CCBE1: variants seen among roughly 807,000 people sequenced by gnomAD.
CCBE1 encodes collagen and calcium binding EGF domains 1.
In CCBE1, 37 loss-of-function variants were observed where a neutral mutation model predicts 50.0. That is an observed-to-expected ratio of 0.74 (90% confidence interval 0.57 to 0.97). The LOEUF (loss-of-function observed/expected upper bound fraction) is 0.97, where lower values mean the gene tolerates loss of function less well. Ranked by LOEUF, CCBE1 falls within the 50% of genes least tolerant of loss-of-function variation. The pLI, the probability that CCBE1 is intolerant of heterozygous loss-of-function variation, is 0.00. For missense variants in CCBE1, 538 were observed against 523.8 expected, an observed-to-expected ratio of 1.03 and a Z score of -0.26; for synonymous variants, 234 against 203.7, an observed-to-expected ratio of 1.15 and a Z score of -1.27.
intron 7 of CCBE1, among the ~76,000 whole-genome samples, chr18:59,446,230 G>T (rs1243937383): frequency 6.6e-6 from 1 of 152,214 alleles, no homozygotes; most frequent in Non-Finnish European, 1.5e-5. Flanking sequence ...CATTGGAGAA[G>T]AAAGCTTGCA....
At chr18:59,611,437 A>C (rs2053567164) in intron 2 of CCBE1, among the ~76,000 whole-genome samples, 1 of 152,242 alleles carries the variant, frequency 6.6e-6, no homozygotes. Flanking sequence ...TGAGTGAAGC[A>C]GAGGACTGTC....
intron 2 of CCBE1, among the ~76,000 whole-genome samples, chr18:59,575,678 C>A (rs2052984679): frequency 6.6e-6 from 1 of 152,200 alleles, no homozygotes; most frequent in Admixed American, 6.5e-5. Context: ...TTCATGCAGT[C>A]TTTCCTCAGT....
chr18:59,618,061 G>C (rs772864081), intron 2 of CCBE1, among the ~76,000 whole-genome samples: 1 of 152,136 alleles, frequency 6.6e-6, no homozygotes, highest in South Asian at 2.1e-4. Flanking sequence ...AATCAATTTT[G>C]AACTATACTT....
intron 5 of CCBE1, among the ~76,000 whole-genome samples, chr18:59,456,793 C>T (rs1195562304): frequency 6.6e-6 from 1 of 152,186 alleles, no homozygotes; most frequent in Non-Finnish European, 1.5e-5. Context: ...TATGCAGTGA[C>T]CAGGGCTTCT....
intron 6 of CCBE1, 90 bp downstream of exon 6, chr18:59,454,761 T>C (rs1029923029): frequency 3.0e-5 from 34 of 1,115,112 alleles, no homozygotes; most frequent in Non-Finnish European, 4.4e-5. Context: ...TCAATGTGGA[T>C]ATTTTCTTAT....
chr18:59,615,076 C>T (rs2053619621), intron 2 of CCBE1, among the ~76,000 whole-genome samples: 1 of 152,244 alleles, frequency 6.6e-6, no homozygotes, highest in Non-Finnish European at 1.5e-5. Flanking sequence ...CTCCTTCCTT[C>T]TTCTCCACCT....
chr18:59,613,892 G>C (rs571081545), intron 2 of CCBE1, among the ~76,000 whole-genome samples: 1 of 102,198 alleles, frequency 9.8e-6, no homozygotes, highest in Admixed American at 1.2e-4. Flanking sequence ...TTTTTGGCAG[G>C]GGGAGACAGT....
intron 2 of CCBE1, among the ~76,000 whole-genome samples, chr18:59,608,820 A>G (rs1159897380): frequency 6.6e-6 from 1 of 152,214 alleles, no homozygotes; most frequent in Non-Finnish European, 1.5e-5. Context: ...AAATCTACAC[A>G]TTAGATCCTT....
chr18:59,674,286 C>T (rs1274642420), intron 2 of CCBE1, among the ~76,000 whole-genome samples: 1 of 152,166 alleles, frequency 6.6e-6, no homozygotes, highest in Non-Finnish European at 1.5e-5. Flanking sequence ...CCATGGAATA[C>T]TGTACACCTA....
chr18:59,670,547 C>T (rs1216154666), intron 2 of CCBE1, among the ~76,000 whole-genome samples: 1 of 152,208 alleles, frequency 6.6e-6, no homozygotes, highest in East Asian at 1.9e-4. Context: ...GCTTATACAA[C>T]TCCTGCCATG....
At chr18:59,491,814 C>CAAAA (rs1913110433) in intron 2 of CCBE1, among the ~76,000 whole-genome samples, 1 of 37,794 alleles carries the variant, frequency 2.6e-5, no homozygotes, top group African/African-American at 1.2e-4. Context: ...GACTCTGTCT[C>CAAAA]CAAACAAACA....
At chr18:59,511,140 T>C (rs908559452) in intron 2 of CCBE1, among the ~76,000 whole-genome samples, 2 of 152,234 alleles carry the variant, frequency 1.3e-5, no homozygotes, top group African/African-American at 2.4e-5. Flanking sequence ...TTCGTTTTTA[T>C]GCTGCTATGT....
At chr18:59,672,955 G>T (rs948269160) in intron 2 of CCBE1, among the ~76,000 whole-genome samples, 1 of 151,906 alleles carries the variant, frequency 6.6e-6, no homozygotes, top group African/African-American at 2.4e-5. Flanking sequence ...CACCGCTAAA[G>T]AACTTACTCA....
chr18:59,697,564 G>A (rs184695993), upstream of CCBE1: 282 of 592,942 alleles, frequency 4.8e-4, 3 homozygotes, highest in African/African-American at 4.9e-3. Context: ...AGAGAAGCAG[G>A]TAAAGGGGGT....
intron 7 of CCBE1, among the ~76,000 whole-genome samples, chr18:59,442,853 T>G (rs1040048510): frequency 6.6e-6 from 1 of 152,166 alleles, no homozygotes; most frequent in South Asian, 2.1e-4. Flanking sequence ...CAACTGGAGT[T>G]CTCAGTAGGG....
At chr18:59,438,446 T>G (rs1451320365) in intron 9 of CCBE1, among the ~76,000 whole-genome samples, 3 of 152,214 alleles carry the variant, frequency 2.0e-5, no homozygotes, top group Non-Finnish European at 4.4e-5. Flanking sequence ...TAACTCACAC[T>G]GACTTCTTTG....
chr18:59,645,360 T>C (rs926756900), intron 2 of CCBE1, among the ~76,000 whole-genome samples: 20 of 152,226 alleles, frequency 1.3e-4, no homozygotes, highest in Non-Finnish European at 2.6e-4. Flanking sequence ...ATACATTCAG[T>C]GTGACAGGTA....
chr18:59,641,287 A>AGAT (rs201454139), intron 2 of CCBE1, among the ~76,000 whole-genome samples: 2,348 of 152,316 alleles, frequency 0.015, 34 homozygotes, highest in Middle Eastern at 0.054. Context: ...ATAAAAAAGA[A>AGAT]GATCATGTCC....
intron 5 of CCBE1, among the ~76,000 whole-genome samples, chr18:59,456,256 C>T (rs1187239733): frequency 1.3e-5 from 2 of 152,162 alleles, no homozygotes; most frequent in Admixed American, 6.5e-5. Flanking sequence ...AATGGATGCT[C>T]GAAAAATCTT....
Sources: gnomAD v4.1 joint callset for allele counts (sites outside exome capture counted in the v4.1 genomes callset) on GRCh38, gnomAD v4.1.1 for gene constraint, MANE v1.5 for transcripts, NCBI Gene and HGNC (gene_info 2026-07-23, HGNC 2026-07-21) for gene names.